Variants in TNIK observed in about 807,000 individuals in gnomAD.
The protein encoded by TNIK is TRAF2 and NCK-interacting protein kinase.
TNIK carries 49 observed loss-of-function variants against 191.3 expected under a neutral mutation model. The observed-to-expected ratio is 0.26, with a 90% confidence interval of 0.20 to 0.32. The LOEUF is 0.32. Among genes scored for constraint, TNIK ranks in the 10% least tolerant of loss-of-function variants. TNIK has a pLI of 1.00. For missense variants in TNIK, 1,155 were observed against 1,702.3 expected, an observed-to-expected ratio of 0.68 and a Z score of 5.66; for synonymous variants, 594 against 600.9, an observed-to-expected ratio of 0.99 and a Z score of 0.17.
At chr3:171,253,720 A>T (rs1403841543) in intron 2 of TNIK, among the ~76,000 whole-genome samples, 2 of 151,864 alleles carry the variant, frequency 1.3e-5, no homozygotes, top group African/African-American at 4.8e-5. Flanking sequence ...CTCTGAACAG[A>T]TCACCGTTTC....
At chr3:171,109,547 A>G (rs1262607626) in intron 19 of TNIK, among the ~76,000 whole-genome samples, 2 of 152,242 alleles carry the variant, frequency 1.3e-5, no homozygotes, top group East Asian at 3.8e-4. Context: ...GTGTTAGGAG[A>G]TAAACTAAGG....
At chr3:171,355,670 T>G (rs1462337244) in intron 2 of TNIK, among the ~76,000 whole-genome samples, 1 of 152,208 alleles carries the variant, frequency 6.6e-6, no homozygotes, top group Non-Finnish European at 1.5e-5. Flanking sequence ...ATCTCTAGCA[T>G]TCCTGGGTTA....
At chr3:171,211,073 T>C (rs2108911066) in intron 4 of TNIK, 43 bp downstream of exon 4, 1 of 1,599,112 alleles carries the variant, frequency 6.3e-7, no homozygotes, top group Non-Finnish European at 8.5e-7. Flanking sequence ...TGGCCGTGTT[T>C]GTTTTTTATG....
At chr3:171,271,101 T>C (rs1209159967) in intron 2 of TNIK, among the ~76,000 whole-genome samples, 1 of 152,142 alleles carries the variant, frequency 6.6e-6, no homozygotes, top group Non-Finnish European at 1.5e-5. Flanking sequence ...GAGGGAGAGA[T>C]TGGGTTCTGG....
At chr3:171,088,856 T>C (rs61792360) in intron 23 of TNIK, among the ~76,000 whole-genome samples, 15,101 of 152,322 alleles carry the variant, frequency 0.099, 849 homozygotes, top group Middle Eastern at 0.16. Context: ...TTTCCCTCTC[T>C]GCCTTTTCTT....
intron 7 of TNIK, among the ~76,000 whole-genome samples, chr3:171,186,343 A>G (rs12494735): frequency 0.23 from 35,617 of 152,124 alleles, 4,710 homozygotes; most frequent in East Asian, 0.49. Flanking sequence ...AGAATCCCCA[A>G]ACCTTCCACT....
At chr3:171,433,386 G>A (rs1156881546) in intron 1 of TNIK, among the ~76,000 whole-genome samples, 1 of 151,994 alleles carries the variant, frequency 6.6e-6, no homozygotes, top group African/African-American at 2.4e-5. Flanking sequence ...ATTATAGAAA[G>A]AAAAGGAAAA....
At chr3:171,363,781 A>T (rs999103292) in intron 2 of TNIK, among the ~76,000 whole-genome samples, 1 of 152,248 alleles carries the variant, frequency 6.6e-6, no homozygotes, top group Non-Finnish European at 1.5e-5. Context: ...AGATTTTGCT[A>T]TATAAGGTCA....
At chr3:171,223,594 TG>T (rs1560284867) in intron 3 of TNIK, among the ~76,000 whole-genome samples, 1 of 152,174 alleles carries the variant, frequency 6.6e-6, no homozygotes, top group East Asian at 1.9e-4. Flanking sequence ...TTGGCAGCCA[TG>T]TTACATTGAG....
At chr3:171,167,879 G>A (rs1245759739) in intron 9 of TNIK, among the ~76,000 whole-genome samples, 3 of 152,174 alleles carry the variant, frequency 2.0e-5, no homozygotes, top group African/African-American at 7.2e-5. Context: ...GTAACCAGTA[G>A]TTTCAGAATC....
intron 1 of TNIK, among the ~76,000 whole-genome samples, chr3:171,395,763 A>G (rs1443062400): frequency 3.3e-5 from 5 of 152,194 alleles, no homozygotes; most frequent in East Asian, 3.8e-4. Context: ...AATTGAACGG[A>G]GTGAACATCC....
chr3:171,125,594 A>G (rs564660415), intron 17 of TNIK, among the ~76,000 whole-genome samples: 2 of 152,332 alleles, frequency 1.3e-5, no homozygotes, highest in African/African-American at 4.8e-5. Context: ...CATCAATGAA[A>G]TATCCATTAC....
chr3:171,448,424 T>G (rs1727772782), intron 1 of TNIK, among the ~76,000 whole-genome samples: 1 of 152,222 alleles, frequency 6.6e-6, no homozygotes, highest in Non-Finnish European at 1.5e-5. Context: ...TCATCCATGT[T>G]GCAGTGTGTA....
intron 2 of TNIK, among the ~76,000 whole-genome samples, chr3:171,351,512 GAATT>G (rs1010655954): frequency 2.0e-5 from 3 of 152,094 alleles, no homozygotes; most frequent in African/African-American, 7.2e-5. Context: ...GAGAGGAAAA[GAATT>G]CATTTATTCT....
intron 1 of TNIK, among the ~76,000 whole-genome samples, chr3:171,459,218 A>G (rs1729127660): frequency 7.0e-6 from 1 of 143,556 alleles, no homozygotes; most frequent in African/African-American, 2.6e-5. Context: ...CGGGGAAAAC[A>G]CACACAGACA....
chr3:171,449,628 A>G (rs2108723947), intron 1 of TNIK, among the ~76,000 whole-genome samples: 1 of 152,280 alleles, frequency 6.6e-6, no homozygotes, highest in East Asian at 1.9e-4. Context: ...ACCAAAGTGC[A>G]TATGTGGTTA....
intron 12 of TNIK, among the ~76,000 whole-genome samples, chr3:171,153,874 T>G (rs991934364): frequency 6.6e-6 from 1 of 151,954 alleles, no homozygotes; most frequent in Non-Finnish European, 1.5e-5. Flanking sequence ...GCCACTCTCC[T>G]CCACCACGGC....
intron 2 of TNIK, among the ~76,000 whole-genome samples, chr3:171,253,589 T>TCCCCCCCC (rs67388870): frequency 4.9e-5 from 6 of 121,542 alleles, no homozygotes; most frequent in East Asian, 2.3e-4. Flanking sequence ...AGAAGACAGG[T>TCCCCCCCC]CCCCCCCCCA....
chr3:171,129,174 T>C (rs1044557885), intron 15 of TNIK, among the ~76,000 whole-genome samples: 11 of 152,326 alleles, frequency 7.2e-5, no homozygotes, highest in African/African-American at 2.6e-4. Flanking sequence ...GATTGTGATA[T>C]TATCTTACTG....
Sources: gnomAD v4.1 joint callset for allele counts (sites outside exome capture counted in the v4.1 genomes callset) on GRCh38, gnomAD v4.1.1 for gene constraint, MANE v1.5 for transcripts, NCBI Gene and HGNC (gene_info 2026-07-23, HGNC 2026-07-21) for gene names.